Variants in IP6K1 observed in about 807,000 individuals in gnomAD.
IP6K1 encodes the protein ATP:1D-myo-inositol-hexakisphosphate phosphotransferase.
IP6K1 carries 13 observed loss-of-function variants against 38.3 expected under a neutral mutation model. That is an observed-to-expected ratio of 0.34 (90% CI 0.22 to 0.54). The LOEUF (loss-of-function observed/expected upper bound fraction) is 0.54, where lower values mean the gene tolerates loss of function less well. IP6K1 is among the 20% of genes least tolerant of loss of function. The pLI, the probability that IP6K1 is intolerant of heterozygous loss-of-function variation, is 0.92. For synonymous variants in IP6K1, 212 were observed against 229.9 expected, an observed-to-expected ratio of 0.92 and a Z score of 0.70; for missense variants, 397 against 599.8, an observed-to-expected ratio of 0.66 and a Z score of 3.53.
In IP6K1 at chr3:49,728,178, C is replaced by T; in HGVS notation, c.717G>A (p.Glu239=). 6.2e-7 allele frequency: 1 copy of T among 1,614,186 alleles called. No homozygotes were observed. The change falls in exon 5 of 6, where the codon GAG becomes GAA. Residue 239 remains glutamate (E), a synonymous_variant. Transcript: ENST00000321599. ...ATTTCCGCATCTGCCGGGCTGCCTT[C>T]TCAGCTGACGCGTCATCGCCATGCT... The part of the protein sequence containing the change: ...TRQHGDDASA[E]KAARQMRKCE...
intron 2 of IP6K1, among the ~76,000 whole-genome samples, chr3:49,739,400 C>T (rs1415405544): frequency 6.8e-6 from 1 of 146,870 alleles, no homozygotes; most frequent in Non-Finnish European, 1.5e-5. Context: ...GTCGCCCAGG[C>T]TGGAGTGCAG....
chr3:49,773,211 G>T (rs1328184351), intron 1 of IP6K1, among the ~76,000 whole-genome samples: 1 of 152,140 alleles, frequency 6.6e-6, no homozygotes, highest in Non-Finnish European at 1.5e-5. Context: ...GGGTCCAAGT[G>T]GTCCTGCCTG....
At chr3:49,731,379 T>G (rs1329196623) in intron 4 of IP6K1, among the ~76,000 whole-genome samples, 1 of 152,172 alleles carries the variant, frequency 6.6e-6, no homozygotes, top group Non-Finnish European at 1.5e-5. Flanking sequence ...GATGAACATT[T>G]CATTCTTTTG....
intron 1 of IP6K1, among the ~76,000 whole-genome samples, chr3:49,784,428 G>A (rs1391742059): frequency 2.6e-5 from 4 of 152,018 alleles, no homozygotes; most frequent in East Asian, 2.0e-4. Context: ...AGGCGGATCA[G>A]GAGGTCAGGA....
intron 1 of IP6K1, among the ~76,000 whole-genome samples, chr3:49,749,151 C>A (rs2080749911): frequency 1.3e-5 from 2 of 152,212 alleles, no homozygotes; most frequent in South Asian, 4.1e-4. Context: ...CTACCACTCA[C>A]CTCCTGCTGT....
At chr3:49,739,596 A>G (rs904441512) in intron 2 of IP6K1, among the ~76,000 whole-genome samples, 2 of 151,544 alleles carry the variant, frequency 1.3e-5, no homozygotes, top group African/African-American at 4.9e-5. Flanking sequence ...CTCGTGATCC[A>G]CCCGTCTCGG....
chr3:49,750,782 G>C (rs1424675668), intron 1 of IP6K1, among the ~76,000 whole-genome samples: 1 of 152,158 alleles, frequency 6.6e-6, no homozygotes, highest in Non-Finnish European at 1.5e-5. Context: ...ACAGGACTGA[G>C]GGCAGAGTCC....
At chr3:49,728,402 C>G (rs2080531210) in intron 4 of IP6K1, 124 bp from the exon 5 acceptor site, 2 of 829,758 alleles carry the variant, frequency 2.4e-6, no homozygotes, top group Non-Finnish European at 3.8e-6. Context: ...CTCAAACTCT[C>G]AAATATGGGT....
chr3:49,730,290 G>T (rs552902228), intron 4 of IP6K1, among the ~76,000 whole-genome samples: 3 of 152,216 alleles, frequency 2.0e-5, no homozygotes, highest in African/African-American at 7.2e-5. Flanking sequence ...TCCCACCTTG[G>T]CCTCCAAAAG....
intron 4 of IP6K1, among the ~76,000 whole-genome samples, chr3:49,730,997 G>A (rs985498562): frequency 5.3e-5 from 8 of 151,632 alleles, no homozygotes; most frequent in African/African-American, 1.9e-4. Flanking sequence ...GAATGAGCCT[G>A]GATTTATATT....
At chr3:49,761,084 G>A (rs1318669025) in intron 1 of IP6K1, among the ~76,000 whole-genome samples, 1 of 152,014 alleles carries the variant, frequency 6.6e-6, no homozygotes, top group African/African-American at 2.4e-5. Context: ...GGGAGGCCGA[G>A]GCGAATGGAT....
intron 1 of IP6K1, among the ~76,000 whole-genome samples, chr3:49,762,715 T>C (rs2080877400): frequency 2.6e-5 from 4 of 152,102 alleles, no homozygotes. Flanking sequence ...ATAATTTTTT[T>C]TCAGAAAACA....
intron 1 of IP6K1, among the ~76,000 whole-genome samples, chr3:49,752,259 G>A (rs994710014): frequency 3.3e-5 from 5 of 152,144 alleles, no homozygotes; most frequent in Admixed American, 1.3e-4. Context: ...AAGCCAAAGC[G>A]GGTGGATCAC....
intron 1 of IP6K1, among the ~76,000 whole-genome samples, chr3:49,783,760 C>A (rs1217321193): frequency 2.6e-5 from 4 of 151,774 alleles, no homozygotes; most frequent in Non-Finnish European, 5.9e-5. Context: ...TTAATATCCC[C>A]CTCCTTTCAA....
chr3:49,754,178 G>T (rs373382848), intron 1 of IP6K1, among the ~76,000 whole-genome samples: 1 of 150,860 alleles, frequency 6.6e-6, no homozygotes, highest in Non-Finnish European at 1.5e-5. Flanking sequence ...ACCAGCATAG[G>T]CAACATGGCA....
At chr3:49,780,343 G>C (rs866224597) in intron 1 of IP6K1, among the ~76,000 whole-genome samples, 107 of 13,066 alleles carry the variant, frequency 8.2e-3, no homozygotes, top group East Asian at 0.035. Flanking sequence ...CACACACACA[G>C]TCTTAGGCTT....
At chr3:49,776,537 A>T (rs572131568) in intron 1 of IP6K1, among the ~76,000 whole-genome samples, 1 of 152,024 alleles carries the variant, frequency 6.6e-6, no homozygotes, top group East Asian at 1.9e-4. Flanking sequence ...AAAAGCAAAT[A>T]AATGCAAAAA....
intron 1 of IP6K1, among the ~76,000 whole-genome samples, chr3:49,783,569 C>G (rs1040716929): frequency 2.0e-5 from 3 of 151,688 alleles, no homozygotes; most frequent in Non-Finnish European, 4.4e-5. Flanking sequence ...AAAAATTGGC[C>G]GGGCATGGTG....
chr3:49,778,343 A>AGGGT (rs1431635773), intron 1 of IP6K1, among the ~76,000 whole-genome samples: 1 of 146,038 alleles, frequency 6.8e-6, no homozygotes, highest in African/African-American at 2.6e-5. Flanking sequence ...AAAAAAAGGC[A>AGGGT]GGGTCTTGGC....
Sources: allele counts gnomAD v4.1 joint callset (sites outside exome capture counted in the v4.1 genomes callset), GRCh38; gene constraint gnomAD v4.1.1; transcripts MANE v1.5; gene names NCBI Gene and HGNC (gene_info 2026-07-23, HGNC 2026-07-21).